The following MMRN1 variants were observed in gnomAD, a reference collection of about 807,000 sequenced individuals.
MMRN1 encodes multimerin-1.
MMRN1 carries 94 observed loss-of-function variants against 100.7 expected under a neutral mutation model. The ratio of observed to expected loss-of-function variants is 0.93; its 90% confidence interval spans 0.79 to 1.11. MMRN1 has a LOEUF of 1.11. Ranked by LOEUF, MMRN1 falls within the 50% of genes least tolerant of loss-of-function variation. The pLI is 0.00. For synonymous variants in MMRN1, 575 were observed against 505.0 expected, an observed-to-expected ratio of 1.14 and a Z score of -1.86; for missense variants, 1,606 against 1,439.1, an observed-to-expected ratio of 1.12 and a Z score of -1.88.
Position 89,920,715 on chromosome 4 carries a change from G to T in MMRN1, c.851-2453G>T, listed in dbSNP as rs566042516. ...CTAGTATTTTCTGCATTATAACAATGAATTTACCTCTTAGAAGTAGAAAGC... is the reference window on the plus strand; with the variant it reads ...CTAGTATTTTCTGCATTATAACAATTAATTTACCTCTTAGAAGTAGAAAGC... On this transcript the variant is annotated intron_variant, in intron 3 of 7. Transcript: ENST00000264790. Among the ~76,000 whole-genome samples the T allele has an allele frequency of 2.1e-4, 32 of 152,046 alleles. No individual in the cohort carries two copies. In the South Asian group the frequency reaches 6.6e-3, roughly 32 times the overall value.
chr4:89,935,788 G>A lies in MMRN1; in HGVS notation c.2108G>A (p.Arg703Lys), dbSNP rs777171009. The change falls in exon 6 of 8, where the codon AGA becomes AAA. Residue 703 changes from arginine to lysine, a missense_variant. Coordinates refer to ENST00000264790, the MANE Select transcript of MMRN1 (RefSeq NM_007351.3). ...KELTKRHNLL[R>K]NEVQGRDDAL... is the part of the protein sequence containing the mutation. ...CTTACAAAAAGACACAACTTACTTA[G>A]AAATGAAGTACAGGGTCGTGATGAT... 1 of 1,613,010 alleles carries A rather than the reference G, an allele frequency of 6.2e-7. No individual in the cohort carries two copies. Among genetic ancestry groups the A allele is most frequent in the Non-Finnish European group, 8.5e-7 (1 of 1,179,586 alleles).
At chr4:89,937,555 T>C (rs992741846) in intron 6 of MMRN1, among the ~76,000 whole-genome samples, 1 of 152,124 alleles carries the variant, frequency 6.6e-6, no homozygotes, top group Non-Finnish European at 1.5e-5. Flanking sequence ...ATTCTGGTCC[T>C]AGATGTATTA....
At chr4:89,947,080 G>A (rs1723009980) in intron 6 of MMRN1, among the ~76,000 whole-genome samples, 1 of 152,140 alleles carries the variant, frequency 6.6e-6, no homozygotes, top group South Asian at 2.1e-4. Flanking sequence ...TTGGAAGTTT[G>A]AGACCAGCTT....
intron 3 of MMRN1, among the ~76,000 whole-genome samples, chr4:89,917,038 A>T (rs1721943870): frequency 6.6e-6 from 1 of 151,618 alleles, no homozygotes; most frequent in African/African-American, 2.4e-5. Context: ...ACATGCTCCT[A>T]CTGAAGTCTC....
At chr4:89,916,852 GAT>G (rs1271061527) in intron 3 of MMRN1, among the ~76,000 whole-genome samples, 2 of 151,578 alleles carry the variant, frequency 1.3e-5, no homozygotes, top group Non-Finnish European at 3.0e-5. Context: ...TCACATGAAT[GAT>G]ATATGTCTCA....
In MMRN1 at chr4:89,911,970, A is replaced by T; in HGVS notation, c.770A>T (p.Tyr257Phe). ...TCTCAGAAGATATCCAATCCTGTCT[A>T]TAGGATGCAACATAAAATTGTCACC... ...QRSQKISNPVYRMQHKIVTSL... is the reference protein window; with the variant it reads ...QRSQKISNPVFRMQHKIVTSL... The change falls in exon 3 of 8, where the codon TAT (tyrosine) becomes TTT (phenylalanine). Residue 257 changes from tyrosine (Y) to phenylalanine (F), a missense_variant. By Grantham distance (22) the Tyr-to-Phe change is conservative. Coordinates refer to ENST00000264790, the MANE Select transcript of MMRN1 (RefSeq NM_007351.3). 6.2e-7 allele frequency: 1 copy of T among 1,603,118 alleles called. No homozygotes were observed. Among genetic ancestry groups the T allele is most frequent in the South Asian group, 1.1e-5 (1 of 90,124 alleles).
chr4:89,890,457 C>T (rs1337159527), upstream of MMRN1, among the ~76,000 whole-genome samples: 1 of 151,984 alleles, frequency 6.6e-6, no homozygotes, highest in East Asian at 1.9e-4. Context: ...TTCATTGTTC[C>T]TTGGGTCACC....
chr4:89,919,950 C>T (rs1722036877), intron 3 of MMRN1, among the ~76,000 whole-genome samples: 3 of 152,186 alleles, frequency 2.0e-5, no homozygotes, highest in Admixed American at 2.0e-4. Context: ...ATAAACTGTT[C>T]ATTCTACTAA....
chr4:89,937,832 C>T (rs1722695225), intron 6 of MMRN1, among the ~76,000 whole-genome samples: 1 of 152,150 alleles, frequency 6.6e-6, no homozygotes, highest in Non-Finnish European at 1.5e-5. Flanking sequence ...ATGTTCTAAA[C>T]ACCAAGGAAG....
At chr4:89,921,201 TAAATG>T (rs1722076622) in intron 3 of MMRN1, among the ~76,000 whole-genome samples, 2 of 152,080 alleles carry the variant, frequency 1.3e-5, no homozygotes, top group South Asian at 4.1e-4. Context: ...AAGCAGCAAA[TAAATG>T]AAAAGATCAT....
intron 2 of MMRN1, among the ~76,000 whole-genome samples, 182 bp from the exon 3 acceptor site, chr4:89,911,762 A>T (rs1721757547): frequency 1.3e-5 from 2 of 151,358 alleles, no homozygotes; most frequent in Admixed American, 6.6e-5. Context: ...TTTGTAATGT[A>T]TTGAAAGAAA....
intron 1 of MMRN1, among the ~76,000 whole-genome samples, chr4:89,884,335 G>A (rs1720886715): frequency 6.6e-6 from 1 of 151,928 alleles, no homozygotes; most frequent in South Asian, 2.1e-4. Flanking sequence ...CTTGAACTTG[G>A]CATATTTACT....
intron 7 of MMRN1, 130 bp downstream of exon 7, chr4:89,951,881 CGAAACTTACT>C (rs1031471683): frequency 1.9e-6 from 2 of 1,046,774 alleles, no homozygotes; most frequent in Admixed American, 3.1e-5. Flanking sequence ...TTTACTTTTT[CGAAACTTACT>C]GAAGAATGTA....
chr4:89,907,236 A>G (rs1015185838), intron 1 of MMRN1, among the ~76,000 whole-genome samples: 2 of 151,220 alleles, frequency 1.3e-5, no homozygotes, highest in African/African-American at 2.4e-5. Flanking sequence ...TTTTGCCTCA[A>G]TTGTCACCAG....
chr4:89,934,781 T>A lies in MMRN1; in HGVS notation c.1130-29T>A, dbSNP rs1038140. 24 of 1,273,174 alleles carry A rather than the reference T, an allele frequency of 1.9e-5. No homozygotes were observed. In the Admixed American group the frequency reaches 3.2e-4, roughly 17 times the overall value. The allele number at this position is 1,273,174 out of a possible 1,614,324, so 78.9% of individuals were successfully genotyped here. A position where few individuals can be genotyped will look rare whatever the true frequency, so the allele number is the denominator to read the frequency against. The stretch of plus-strand genomic sequence containing the variant: ...GCTTAAAGTCTCATATAATTAAAAC[T>A]ATGTATTATTAATTATTTCTTTCTC... On this transcript the variant is annotated intron_variant, in intron 5 of 7. Coordinates refer to ENST00000264790, the MANE Select transcript of MMRN1 (RefSeq NM_007351.3).
intron 5 of MMRN1, among the ~76,000 whole-genome samples, chr4:89,930,939 T>C (rs1174351329): frequency 1.3e-5 from 2 of 152,136 alleles, no homozygotes; most frequent in Non-Finnish European, 2.9e-5. Context: ...GCTAGGACTA[T>C]TTCTGTATAA....
At chr4:89,932,475 G>C (rs1310975924) in intron 5 of MMRN1, among the ~76,000 whole-genome samples, 2 of 152,144 alleles carry the variant, frequency 1.3e-5, no homozygotes, top group African/African-American at 4.8e-5. Flanking sequence ...TGTGTGGGGG[G>C]TCCCACCCCA....
intron 1 of MMRN1, among the ~76,000 whole-genome samples, chr4:89,889,325 A>G (rs560223287): frequency 1.2e-4 from 18 of 152,230 alleles, no homozygotes; most frequent in Middle Eastern, 6.8e-3. Context: ...AAGACACAGA[A>G]TTATGTGCCG....
chr4:89,895,059 C>T lies in MMRN1; in HGVS notation c.88C>T (p.Pro30Ser), dbSNP rs1400477944. The change falls in exon 1 of 8, where the codon CCT becomes TCT. Residue 30 changes from proline (P) to serine (S), a missense_variant. By Grantham distance (74) the Pro-to-Ser change is moderately conservative. Coordinates refer to ENST00000264790, the MANE Select transcript of MMRN1 (RefSeq NM_007351.3). Reference sequence around the variant, plus strand: ...CAACAGTAAGCATTCTTGGACTATACCTGAGGATGGGAACTCTCAGAAGAC... The same window carrying T: ...CAACAGTAAGCATTCTTGGACTATATCTGAGGATGGGAACTCTCAGAAGAC... Reference protein sequence around the residue: ...LNNSKHSWTIPEDGNSQKTMP... With the variant: ...LNNSKHSWTISEDGNSQKTMP... 1.2e-6 allele frequency: 2 copies of T among 1,613,872 alleles called. No individual in the cohort carries two copies. Among genetic ancestry groups the T allele is most frequent in the Non-Finnish European group, 1.7e-6 (2 of 1,179,882 alleles).
Sources: allele counts gnomAD v4.1 joint callset (sites outside exome capture counted in the v4.1 genomes callset), GRCh38; gene constraint gnomAD v4.1.1; transcripts MANE v1.5; gene names NCBI Gene and HGNC (gene_info 2026-07-23, HGNC 2026-07-21).